RORA: variants seen among roughly 807,000 people sequenced by gnomAD.
RORA encodes the protein RAR related orphan receptor A, also known as nuclear receptor ROR-alpha.
Under a neutral mutation model 69.5 loss-of-function variants are expected in RORA, and 7 were observed. The ratio of observed to expected loss-of-function variants is 0.10; its 90% CI spans 0.06 to 0.19. The LOEUF (loss-of-function observed/expected upper bound fraction) is 0.19. Among genes scored for constraint, RORA ranks in the 10% least tolerant of loss-of-function variants. The pLI is 1.00. For synonymous variants in RORA, 261 were observed against 240.8 expected (o/e 1.08, Z -0.78); for missense variants, 457 against 663.0 (o/e 0.69, Z 3.41).
chr15:61,078,069 T>C (rs1258994736), intron 1 of RORA, among the ~76,000 whole-genome samples: 2 of 152,222 alleles, frequency 1.3e-5, no homozygotes, highest in African/African-American at 4.8e-5. Context: ...CTTAGTGAAG[T>C]AACCACTGGA....
chr15:60,745,786 C>T (rs1178748357), intron 1 of RORA, among the ~76,000 whole-genome samples: 3 of 152,150 alleles, frequency 2.0e-5, no homozygotes, highest in Non-Finnish European at 4.4e-5. Flanking sequence ...CCCTCCTGCA[C>T]AAGGACAGGG....
rs114160798 is a variant in RORA, at chr15:60,822,542, C to T, written c.167-143856G>A. Among the ~76,000 whole-genome samples, 143 of 152,328 alleles carry T rather than the reference C, an allele frequency of 9.4e-4. 1 individual carries two copies. Among genetic ancestry groups the T allele is most frequent in the African/African-American group, 3.3e-3 (136 of 41,578 alleles). On this transcript the variant is annotated intron_variant, in intron 1 of 10. Coordinates refer to ENST00000335670, the MANE Select transcript of RORA (RefSeq NM_134261.3). ...TATGACAGGTGGGTAGAGTTACAGG[C>T]TCACATTGCAACTGGGGATTTGTGA...
At chr15:60,672,551 T>C (rs1349915430) in intron 2 of RORA, among the ~76,000 whole-genome samples, 1 of 152,236 alleles carries the variant, frequency 6.6e-6, no homozygotes, top group Admixed American at 6.5e-5. Flanking sequence ...TTAGTTAATG[T>C]TGATACTGGA....
intron 1 of RORA, among the ~76,000 whole-genome samples, chr15:61,166,368 G>A (rs751110739): frequency 2.0e-5 from 3 of 152,200 alleles, no homozygotes; most frequent in Non-Finnish European, 4.4e-5. Flanking sequence ...CGTCAGCCTT[G>A]TGAATCTGTT....
In RORA at chr15:60,999,263, G is replaced by A. The variant is rs139385019; in HGVS notation, c.166+229790C>T. Among the ~76,000 whole-genome samples the A allele has an allele frequency of 4.1e-4, 62 of 152,164 alleles. 1 individual carries two copies. In the East Asian group the frequency reaches 8.7e-3, roughly 21 times the overall value. ...TAGAAAGATTCCTCTCACGGCATAC[G>A]GAGCCCTGAAACACTGCTGTGGGAA... On this transcript the variant is annotated intron_variant, in intron 1 of 10. Transcript: ENST00000335670.
At chr15:60,582,152 T>C (rs1352551601) in intron 2 of RORA, among the ~76,000 whole-genome samples, 1 of 152,208 alleles carries the variant, frequency 6.6e-6, no homozygotes, top group East Asian at 1.9e-4. Flanking sequence ...AATCTGGGCA[T>C]ATTTATTATT....
intron 1 of RORA, among the ~76,000 whole-genome samples, chr15:61,144,948 T>C (rs2079332666): frequency 6.6e-6 from 1 of 152,222 alleles, no homozygotes. Context: ...TCTGTATGTG[T>C]TATTTTTAAA....
At chr15:60,893,607 A>T (rs186297573) in intron 1 of RORA, among the ~76,000 whole-genome samples, 4 of 152,090 alleles carry the variant, frequency 2.6e-5, no homozygotes, top group African/African-American at 9.7e-5. Context: ...GTGCGTTTTT[A>T]AAAAATTTTA....
chr15:60,632,050 A>C (rs1394260724), intron 2 of RORA, among the ~76,000 whole-genome samples: 1 of 152,212 alleles, frequency 6.6e-6, no homozygotes, highest in African/African-American at 2.4e-5. Flanking sequence ...GAGAACCGAA[A>C]GAGTATTTTA....
chr15:61,122,596 G>A (rs1226022566), intron 1 of RORA, among the ~76,000 whole-genome samples: 1 of 152,074 alleles, frequency 6.6e-6, no homozygotes, highest in East Asian at 1.9e-4. Context: ...ATACCCTACG[G>A]AGGATATCAC....
intron 2 of RORA, among the ~76,000 whole-genome samples, chr15:60,588,018 C>G (rs2068384929): frequency 1.3e-5 from 2 of 152,108 alleles, no homozygotes; most frequent in Admixed American, 1.3e-4. Context: ...GTTCATGAAT[C>G]AAAAGGTTGG....
At chr15:60,833,380 T>C (rs2073074430) in intron 1 of RORA, among the ~76,000 whole-genome samples, 2 of 152,016 alleles carry the variant, frequency 1.3e-5, no homozygotes, top group African/African-American at 4.8e-5. Flanking sequence ...CACGCCTGGC[T>C]AATTTTTGTA....
intron 1 of RORA, among the ~76,000 whole-genome samples, chr15:60,788,039 T>C (rs1344124850): frequency 6.6e-6 from 1 of 152,176 alleles, no homozygotes; most frequent in Non-Finnish European, 1.5e-5. Context: ...GAGAGGTCTA[T>C]GAAGGAGAAG....
intron 1 of RORA, among the ~76,000 whole-genome samples, chr15:60,888,082 C>G (rs966198263): frequency 4.6e-5 from 7 of 152,240 alleles, no homozygotes; most frequent in Non-Finnish European, 1.0e-4. Context: ...CTCAACCTCC[C>G]CTTTGTTCAC....
chr15:60,873,822 G>C (rs932630612), intron 1 of RORA, among the ~76,000 whole-genome samples: 1 of 152,044 alleles, frequency 6.6e-6, no homozygotes, highest in African/African-American at 2.4e-5. Flanking sequence ...ATACATTCTG[G>C]AGCAAAAAGC....
intron 1 of RORA, among the ~76,000 whole-genome samples, chr15:60,823,110 TTCTCTC>T (rs143703146): frequency 2.4e-4 from 18 of 73,566 alleles, no homozygotes; most frequent in African/African-American, 5.6e-4. Flanking sequence ...ATTCTTCTCT[TTCTCTC>T]TCTCTCTCTC....
At chr15:61,162,747 AAC>A (rs1018707677) in intron 1 of RORA, among the ~76,000 whole-genome samples, 4 of 152,314 alleles carry the variant, frequency 2.6e-5, no homozygotes, top group African/African-American at 9.6e-5. Flanking sequence ...GAAGTTTCCC[AAC>A]ACACAATCCA....
rs2070988718 is a variant in RORA at position 60,702,009 on chromosome 15, A to C, written c.167-23323T>G. Reference sequence around the variant, plus strand: ...GGAAATGCTCTAAAAGGCAGTTTTCACAAACTGGTGGAGGATAAAGACAAG... The same window carrying C: ...GGAAATGCTCTAAAAGGCAGTTTTCCCAAACTGGTGGAGGATAAAGACAAG... On this transcript the variant is annotated intron_variant, in intron 1 of 10. Transcript: ENST00000335670. 2.6e-5 allele frequency among the ~76,000 whole-genome samples: 4 copies of C among 152,180 alleles called. 1 individual carries two copies. Among genetic ancestry groups the C allele is most frequent in the Admixed American group, 2.6e-4 (4 of 15,290 alleles).
chr15:60,679,186 A>G (rs573895007), intron 1 of RORA, among the ~76,000 whole-genome samples: 1 of 152,280 alleles, frequency 6.6e-6, no homozygotes, highest in Admixed American at 6.5e-5. Context: ...GGGGAAATAC[A>G]TCCACCAAAT....
Sources: allele counts gnomAD v4.1 joint callset (sites outside exome capture counted in the v4.1 genomes callset), GRCh38; gene constraint gnomAD v4.1.1; transcripts MANE v1.5; gene names NCBI Gene and HGNC (gene_info 2026-07-23, HGNC 2026-07-21).